CTDP1: variants seen among roughly 807,000 people sequenced by gnomAD.
CTDP1 encodes RNA polymerase II subunit A C-terminal domain phosphatase.
A neutral mutation model predicts 91.8 loss-of-function variants in CTDP1; 47 were observed. The ratio of observed to expected loss-of-function variants is 0.51; its 90% CI spans 0.41 to 0.65. The LOEUF is 0.65. CTDP1 is among the 30% of genes least tolerant of loss of function. The probability of loss-of-function intolerance (pLI) is 0.00; values close to 1 mark genes in which losing one functional copy is unlikely to be tolerated. For missense variants in CTDP1, 1,272 were observed against 1,373.7 expected (o/e 0.93, Z 1.17); for synonymous variants, 656 against 598.5 (o/e 1.10, Z -1.40).
At chr18:79,687,802 G>A (rs2085536314) in intron 1 of CTDP1, among the ~76,000 whole-genome samples, 2 of 152,234 alleles carry the variant, frequency 1.3e-5, no homozygotes, top group African/African-American at 4.8e-5. Flanking sequence ...TGGCTCCCTG[G>A]GGTCTGTGGA....
Position 79,679,897 on chromosome 18 carries a change from CTGAGCGCAGCGCAGGCCCCGTACCGACCG to C in CTDP1, c.-50_-22del. 2 of 1,336,212 alleles carry C rather than the reference CTGAGCGCAGCGCAGGCCCCGTACCGACCG, an allele frequency of 1.5e-6. No homozygotes were observed. Among genetic ancestry groups the C allele is most frequent in the Non-Finnish European group, 1.9e-6 (2 of 1,039,498 alleles). The allele number at this position is 1,336,212 out of a possible 1,614,324, so 82.8% of individuals were successfully genotyped here. ...GTGTCGCCGCGGTAGGCGCTGCGCT[CTGAGCGCAGCGCAGGCCCCGTACCGACCG>C]CCCGCCCGCCCTCTGTCCGCGATGG... On this transcript the variant is annotated 5_prime_UTR_variant, in exon 1 of 13. Transcript: ENST00000613122.
chr18:79,708,818 T>TTA (rs1223602488), intron 5 of CTDP1, among the ~76,000 whole-genome samples: 1 of 152,282 alleles, frequency 6.6e-6, no homozygotes, highest in East Asian at 1.9e-4. Context: ...AGAGGTTGTG[T>TTA]GTTAATGTGT....
intron 1 of CTDP1, among the ~76,000 whole-genome samples, chr18:79,683,784 C>T (rs1283019455): frequency 2.0e-5 from 3 of 152,106 alleles, no homozygotes; most frequent in Non-Finnish European, 4.4e-5. Context: ...TCAGATTTCC[C>T]GAGGGTGTTG....
intron 10 of CTDP1, among the ~76,000 whole-genome samples, chr18:79,722,070 T>G (rs1194929704): frequency 6.6e-6 from 1 of 152,218 alleles, no homozygotes; most frequent in African/African-American, 2.4e-5. Flanking sequence ...TGTCTTAAAC[T>G]ACATAAAGTG....
intron 3 of CTDP1, among the ~76,000 whole-genome samples, chr18:79,697,528 G>A (rs970611374): frequency 6.6e-6 from 1 of 152,228 alleles, no homozygotes; most frequent in Admixed American, 6.5e-5. Context: ...CCAGCCGGCC[G>A]ACTTGGTTTC....
At chr18:79,739,406 T>TC (rs1568215329) in intron 12 of CTDP1, among the ~76,000 whole-genome samples, 1 of 142,124 alleles carries the variant, frequency 7.0e-6, no homozygotes, top group East Asian at 2.0e-4. Context: ...GTTTTTGTGG[T>TC]TTTTTTTTTT....
chr18:79,722,092 G>T (rs964137626), intron 10 of CTDP1, among the ~76,000 whole-genome samples: 6 of 152,198 alleles, frequency 3.9e-5, no homozygotes, highest in African/African-American at 1.4e-4. Context: ...TTAAAGATTA[G>T]ATACAAAACT....
intron 3 of CTDP1, 137 bp from the exon 4 acceptor site, chr18:79,697,723 T>A: frequency 7.6e-7 from 1 of 1,315,614 alleles, no homozygotes; most frequent in Non-Finnish European, 1.1e-6. Flanking sequence ...CCTCTCGGCC[T>A]GTACGGCGCA....
chr18:79,688,819 C>T (rs369875163), intron 1 of CTDP1, among the ~76,000 whole-genome samples: 1 of 152,248 alleles, frequency 6.6e-6, no homozygotes, highest in Admixed American at 6.5e-5. Flanking sequence ...GGATTACAGG[C>T]GTGAGCCACC....
chr18:79,692,740 G>A (rs543168226), intron 1 of CTDP1, among the ~76,000 whole-genome samples: 59 of 152,298 alleles, frequency 3.9e-4, no homozygotes, highest in Non-Finnish European at 1.6e-4. Flanking sequence ...CAAGGAACCC[G>A]CCGTGAGCTG....
At chr18:79,744,578 A>C (rs2086841151) in intron 12 of CTDP1, among the ~76,000 whole-genome samples, 1 of 152,238 alleles carries the variant, frequency 6.6e-6, no homozygotes, top group South Asian at 2.1e-4. Context: ...ATATCAGAGA[A>C]GACTGAATTT....
intron 12 of CTDP1, among the ~76,000 whole-genome samples, chr18:79,740,723 G>C (rs2086759413): frequency 6.6e-6 from 1 of 152,150 alleles, no homozygotes; most frequent in South Asian, 2.1e-4. Flanking sequence ...TAACATAAGG[G>C]GGAAGGTTGT....
chr18:79,690,554 A>C (rs773993655), intron 1 of CTDP1, among the ~76,000 whole-genome samples: 1 of 152,200 alleles, frequency 6.6e-6, no homozygotes, highest in Non-Finnish European at 1.5e-5. Context: ...GGCTGGAATG[A>C]GAGCGTTCAG....
rs556073951 is a variant in CTDP1 at position 79,685,764 on chromosome 18, G to T, written c.314+5503G>T. Among the ~76,000 whole-genome samples, 4 of 152,172 alleles carry T rather than the reference G, an allele frequency of 2.6e-5. No individual in the cohort carries two copies. The South Asian group carries it at 8.3e-4, about 32-fold the overall frequency. ...TCTAAATGTGCTTCAGTCAGTGCAC[G>T]AACGTCGTCACCTAAGGGTCCGGTC... On this transcript the variant is annotated intron_variant, in intron 1 of 12. Coordinates refer to ENST00000613122, the MANE Select transcript of CTDP1 (RefSeq NM_004715.5).
At chr18:79,756,515 G>C (rs930210142), downstream of CTDP1, 2 of 152,252 alleles carry the variant, frequency 1.3e-5, no homozygotes, top group African/African-American at 4.8e-5. Context: ...TGTGATTAAC[G>C]TTTATGAAAT....
chr18:79,706,091 G>A (rs1167926711), intron 5 of CTDP1, among the ~76,000 whole-genome samples: 1 of 152,184 alleles, frequency 6.6e-6, no homozygotes, highest in Non-Finnish European at 1.5e-5. Flanking sequence ...AGGTGGTGAG[G>A]TCCTGTGGAC....
At chr18:79,683,995 T>C (rs1181668705) in intron 1 of CTDP1, among the ~76,000 whole-genome samples, 1 of 152,238 alleles carries the variant, frequency 6.6e-6, no homozygotes, top group Non-Finnish European at 1.5e-5. Flanking sequence ...TTTTCAGGAA[T>C]AACGGGAAGT....
intron 4 of CTDP1, among the ~76,000 whole-genome samples, chr18:79,701,495 G>A (rs1482008574): frequency 1.3e-5 from 2 of 150,848 alleles, no homozygotes; most frequent in East Asian, 3.9e-4. Context: ...GGGTGACAGA[G>A]CAAGACTCCA....
chr18:79,743,526 CAAA>C (rs34957550), intron 12 of CTDP1, among the ~76,000 whole-genome samples: 10 of 109,908 alleles, frequency 9.1e-5, no homozygotes, highest in Admixed American at 6.2e-4. Flanking sequence ...ACTCCGTCTC[CAAA>C]AAAAAAAAAA....
Sources: gnomAD v4.1 joint callset for allele counts (sites outside exome capture counted in the v4.1 genomes callset) on GRCh38, gnomAD v4.1.1 for gene constraint, MANE v1.5 for transcripts, NCBI Gene and HGNC (gene_info 2026-07-23, HGNC 2026-07-21) for gene names.